ZNF654: variants seen among roughly 807,000 people sequenced by gnomAD.
ZNF654 encodes the protein zinc finger protein 654.
Under a neutral mutation model 95.3 loss-of-function variants are expected in ZNF654, and 19 were observed. That is an observed-to-expected ratio of 0.20 (90% confidence interval 0.14 to 0.29). The LOEUF is 0.29. Ranked by LOEUF, ZNF654 falls within the 10% of genes least tolerant of loss-of-function variation. The pLI is 1.00. For synonymous variants in ZNF654, 413 were observed against 457.9 expected (o/e 0.90, Z 1.25); for missense variants, 1,046 against 1,341.0 (o/e 0.78, Z 3.44).
chr3:88,098,914 G>A (rs1333497174), intron 2 of ZNF654, among the ~76,000 whole-genome samples: 1 of 152,128 alleles, frequency 6.6e-6, no homozygotes, highest in Non-Finnish European at 1.5e-5. Context: ...TATTCCCTTT[G>A]AAAGCTGGCA....
At chr3:88,097,122 A>C (rs1475040436) in intron 2 of ZNF654, among the ~76,000 whole-genome samples, 1 of 152,118 alleles carries the variant, frequency 6.6e-6, no homozygotes, top group South Asian at 2.1e-4. Context: ...ACAACCCTTT[A>C]ATGAATTACC....
intron 2 of ZNF654, among the ~76,000 whole-genome samples, chr3:88,104,805 C>T (rs1000767204): frequency 9.9e-5 from 15 of 152,156 alleles, no homozygotes; most frequent in African/African-American, 3.6e-4. Flanking sequence ...ACAAACAAAA[C>T]TATTAAGATG....
intron 7 of ZNF654, among the ~76,000 whole-genome samples, chr3:88,135,931 AT>A (rs1303590331): frequency 1.3e-5 from 2 of 151,956 alleles, no homozygotes; most frequent in South Asian, 2.1e-4. Flanking sequence ...ATACATTTTA[AT>A]TTTTTTATGT....
chr3:88,062,157 T>C (rs959048), intron 1 of ZNF654, among the ~76,000 whole-genome samples: 119,121 of 152,054 alleles, frequency 0.78, 47,580 homozygotes, highest in South Asian at 0.91. Flanking sequence ...TAAAACTGGC[T>C]CTTAACTGAT....
At position 88,059,519 on chromosome 3, in the gene ZNF654, T is replaced by C; in HGVS notation, c.186+14T>C. The C allele has an allele frequency of 6.8e-7, 1 of 1,461,772 alleles. No homozygotes were observed. The highest frequency in any genetic ancestry group is 9.0e-7 in the Non-Finnish European group (1 of 1,115,154). The allele number at this position is 1,461,772 out of a possible 1,614,324, so 90.6% of individuals were successfully genotyped here. ...CGCTTCTGTCAGGTGAGGCGTCCGT[T>C]GGCCGCCCCGACTTGTCACCCGGGT... On this transcript the variant is annotated intron_variant, in intron 1 of 8. Transcript: ENST00000636215.
At chr3:88,141,620 T>A in intron 8 of ZNF654, 25 bp from the exon 9 acceptor site, 2 of 1,465,546 alleles carry the variant, frequency 1.4e-6, no homozygotes, top group Non-Finnish European at 1.8e-6. Flanking sequence ...AAAACTTGCA[T>A]TAACAGATGT....
rs1375861833 is a variant in ZNF654 at position 88,078,012 on chromosome 3, A to G, written c.187-8245A>G. On this transcript the variant is annotated intron_variant, in intron 1 of 8. Transcript: ENST00000636215. ...GAATTCCTTTGTGAAATGTTGTGAA[A>G]TTTCTTTGTATTTAATATAAAACAT... Among the ~76,000 whole-genome samples, 3 of 152,260 alleles carry G rather than the reference A, an allele frequency of 2.0e-5. No individual in the cohort carries two copies. In the East Asian group the frequency reaches 5.8e-4, roughly 29 times the overall value.
intron 3 of ZNF654, among the ~76,000 whole-genome samples, chr3:88,124,928 T>C (rs1378166598): frequency 2.0e-5 from 3 of 152,092 alleles, no homozygotes; most frequent in Non-Finnish European, 4.4e-5. Flanking sequence ...TAAAAAACAA[T>C]ACCTTGGCCA....
chr3:88,116,732 A>G (rs1467075461), intron 3 of ZNF654, among the ~76,000 whole-genome samples: 1 of 152,096 alleles, frequency 6.6e-6, no homozygotes, highest in African/African-American at 2.4e-5. Flanking sequence ...CAGAGGTAAG[A>G]AAGTCTTATA....
At chr3:88,127,294 G>T (rs1460706344) in intron 4 of ZNF654, among the ~76,000 whole-genome samples, 3 of 152,154 alleles carry the variant, frequency 2.0e-5, no homozygotes, top group Non-Finnish European at 4.4e-5. Context: ...AGGGTGGGTT[G>T]TGAATGCAGT....
At chr3:88,129,944 T>G in intron 6 of ZNF654, 118 bp downstream of exon 6, 1 of 947,994 alleles carries the variant, frequency 1.1e-6, no homozygotes, top group Non-Finnish European at 1.4e-6. Flanking sequence ...AAAAAAAAAT[T>G]GATTGTGCAA....
chr3:88,130,151 T>G (rs1340766531), intron 6 of ZNF654, among the ~76,000 whole-genome samples: 1 of 152,150 alleles, frequency 6.6e-6, no homozygotes, highest in East Asian at 1.9e-4. Flanking sequence ...TACCTAGCAA[T>G]CATGTAATTT....
At chr3:88,141,522 TTGTC>T in intron 8 of ZNF654, 119 bp from the exon 9 acceptor site, 1 of 611,216 alleles carries the variant, frequency 1.6e-6, no homozygotes. Flanking sequence ...GAAAAAGAGC[TTGTC>T]TGTCTACTAA....
At chr3:88,141,097 G>T (rs1707100747) in intron 8 of ZNF654, 49 bp downstream of exon 8, 2 of 1,524,714 alleles carry the variant, frequency 1.3e-6, no homozygotes, top group Non-Finnish European at 1.8e-6. Context: ...AGAGAAAATG[G>T]CATAAATAAA....
intron 3 of ZNF654, among the ~76,000 whole-genome samples, chr3:88,122,745 C>A (rs570514149): frequency 1.1e-4 from 17 of 152,154 alleles, no homozygotes; most frequent in African/African-American, 3.4e-4. Flanking sequence ...TACGGTGGCT[C>A]ATACCTGTAA....
intron 6 of ZNF654, among the ~76,000 whole-genome samples, chr3:88,133,552 G>A (rs2107857547): frequency 6.6e-6 from 1 of 152,122 alleles, no homozygotes; most frequent in South Asian, 2.1e-4. Flanking sequence ...GCCTTTGAAA[G>A]ATAAGTTCAT....
chr3:88,129,665 G>A, intron 5 of ZNF654, 22 bp from the exon 6 acceptor site: 2 of 1,379,596 alleles, frequency 1.4e-6, no homozygotes, highest in South Asian at 1.7e-5. Flanking sequence ...TATATGAACT[G>A]ATTTCTCTTT....
At chr3:88,085,441 C>G (rs1302698442) in intron 1 of ZNF654, among the ~76,000 whole-genome samples, 1 of 152,054 alleles carries the variant, frequency 6.6e-6, no homozygotes, top group Non-Finnish European at 1.5e-5. Flanking sequence ...TTTCCAACCA[C>G]TTAAAAATGT....
At chr3:88,129,478 TTAA>T (rs1291367872) in intron 5 of ZNF654, among the ~76,000 whole-genome samples, 3 of 152,116 alleles carry the variant, frequency 2.0e-5, no homozygotes, top group Admixed American at 6.6e-5. Context: ...GTTGTGGACA[TTAA>T]TGAGATTAAA....
Sources: gnomAD v4.1 joint callset for allele counts (sites outside exome capture counted in the v4.1 genomes callset) on GRCh38, gnomAD v4.1.1 for gene constraint, MANE v1.5 for transcripts, NCBI Gene and HGNC (gene_info 2026-07-23, HGNC 2026-07-21) for gene names.